COX16: variants seen among roughly 807,000 people sequenced by gnomAD.
COX16 encodes the protein cytochrome c oxidase assembly protein COX16 homolog, mitochondrial.
Under a neutral mutation model 15.4 loss-of-function variants are expected in COX16, and 12 were observed. The observed-to-expected ratio is 0.78, with a 90% confidence interval of 0.50 to 1.26. The LOEUF (loss-of-function observed/expected upper bound fraction) is 1.26, where lower values mean the gene tolerates loss of function less well. COX16 is among the 50% of genes most tolerant of loss of function. The pLI is 0.00. For missense variants in COX16, 124 were observed against 127.6 expected, an observed-to-expected ratio of 0.97 and a Z score of 0.14; for synonymous variants, 46 against 41.1, an observed-to-expected ratio of 1.12 and a Z score of -0.46.
intron 2 of COX16, among the ~76,000 whole-genome samples, chr14:70,336,990 A>C (rs910376180): frequency 2.0e-5 from 3 of 152,218 alleles, no homozygotes; most frequent in Non-Finnish European, 4.4e-5. Flanking sequence ...AAGAGCTTAG[A>C]GTTGAAAGCC....
At chr14:70,330,973 A>T (rs1286563713) in intron 2 of COX16, among the ~76,000 whole-genome samples, 1 of 152,080 alleles carries the variant, frequency 6.6e-6, no homozygotes, top group Non-Finnish European at 1.5e-5. Context: ...AATGTTTCTT[A>T]AAAATCATAA....
chr14:70,333,107 G>A (rs1594910185), intron 2 of COX16, among the ~76,000 whole-genome samples: 1 of 152,324 alleles, frequency 6.6e-6, no homozygotes, highest in East Asian at 1.9e-4. Flanking sequence ...AGAAGGACAG[G>A]CACAAACAAA....
intron 1 of COX16, among the ~76,000 whole-genome samples, chr14:70,352,314 G>T (rs555014683): frequency 3.3e-5 from 5 of 150,414 alleles, no homozygotes; most frequent in African/African-American, 1.2e-4. Flanking sequence ...AGCCTCCCGA[G>T]TAGCTGGGAT....
intron 1 of COX16, among the ~76,000 whole-genome samples, chr14:70,346,454 C>T (rs1886785117): frequency 6.6e-6 from 1 of 152,198 alleles, no homozygotes; most frequent in Non-Finnish European, 1.5e-5. Context: ...TCCAGGTAAG[C>T]CCACCAGGCC....
intron 3 of COX16, among the ~76,000 whole-genome samples, chr14:70,327,200 A>C (rs1362618622): frequency 6.6e-6 from 1 of 152,208 alleles, no homozygotes; most frequent in Non-Finnish European, 1.5e-5. Flanking sequence ...ATCCAGAGAC[A>C]GGGAAAATGG....
In COX16 at chr14:70,359,584, A is replaced by G; in HGVS notation, c.4T>C (p.Phe2Leu). Reference protein sequence around the residue: MFAPAVMRAFRK... With the variant: MLAPAVMRAFRK... ...AAAGCACGCATCACCGCGGGTGCAA[A>G]CATGAGTGAACTCTTCCATCGGCTC... is the stretch of plus-strand genomic sequence containing the variant. Residue 2 changes from phenylalanine to leucine, a missense_variant, in exon 1 of 4, where the codon TTT becomes CTT. Coordinates refer to ENST00000389912, the MANE Select transcript of COX16 (RefSeq NM_016468.7). The G allele has an allele frequency of 6.2e-7, 1 of 1,614,052 alleles. No homozygotes were observed. Among genetic ancestry groups the G allele is most frequent in the Non-Finnish European group, 8.5e-7 (1 of 1,179,938 alleles).
At chr14:70,329,317 T>A in intron 2 of COX16, 81 bp from the exon 3 acceptor site, 2 of 1,318,050 alleles carry the variant, frequency 1.5e-6, no homozygotes, top group Non-Finnish European at 1.0e-6. Context: ...ATAGAAGAGA[T>A]GGCTGAAATA....
At chr14:70,328,245 G>A (rs112120541) in intron 3 of COX16, 100 of 49,178 alleles carry the variant, frequency 2.0e-3, no homozygotes, top group African/African-American at 9.6e-3. Context: ...AAGGGAGAAG[G>A]GCCAAGGAAA....
rs760500996 is a variant in COX16 at position 70,326,357 on chromosome 14, T to G, written c.297A>C (p.Glu99Asp). 5 of 1,571,440 alleles carry G rather than the reference T, an allele frequency of 3.2e-6. No homozygotes were observed. In the South Asian group the frequency reaches 5.9e-5, roughly 19 times the overall value. The change falls in exon 4 of 4, where the codon GAA becomes GAC. Residue 99 changes from glutamate to aspartate, a missense_variant. By Grantham distance (45) the Glu-to-Asp change is conservative. Coordinates refer to ENST00000389912, the MANE Select transcript of COX16 (RefSeq NM_016468.7). ...DPDLLQGRNP[E>D]SLKTKTT The stretch of plus-strand genomic sequence containing the variant: ...GTCAAGTTGTCTTAGTCTTAAGGCT[T>G]TCTGGATTTCTTCCTTGGAGGAGGT...
intron 2 of COX16, among the ~76,000 whole-genome samples, chr14:70,339,439 C>T (rs905573644): frequency 2.6e-5 from 4 of 152,092 alleles, no homozygotes; most frequent in African/African-American, 9.7e-5. Context: ...GTACAAAAAT[C>T]AGGACTGTCT....
At chr14:70,349,108 T>C (rs191849865) in intron 1 of COX16, among the ~76,000 whole-genome samples, 111 of 152,276 alleles carry the variant, frequency 7.3e-4, no homozygotes, top group African/African-American at 2.6e-3. Flanking sequence ...TCCCCAACAC[T>C]TTCCATGTTG....
intron 2 of COX16, among the ~76,000 whole-genome samples, chr14:70,333,789 C>G (rs1401390257): frequency 1.3e-5 from 2 of 152,132 alleles, no homozygotes; most frequent in African/African-American, 4.8e-5. Context: ...ATATTATAAT[C>G]AAACTCTCAA....
intron 1 of COX16, among the ~76,000 whole-genome samples, chr14:70,351,663 A>G (rs1341015151): frequency 1.3e-5 from 2 of 152,184 alleles, no homozygotes; most frequent in Non-Finnish European, 2.9e-5. Flanking sequence ...AGATTAAAGT[A>G]TATTGTATGC....
chr14:70,335,478 T>C (rs1193881674), intron 2 of COX16, among the ~76,000 whole-genome samples: 1 of 151,854 alleles, frequency 6.6e-6, no homozygotes, highest in Non-Finnish European at 1.5e-5. Context: ...CAAAAAAGTA[T>C]CAATCATATC....
intron 1 of COX16, among the ~76,000 whole-genome samples, chr14:70,346,623 TACC>T (rs1886791266): frequency 6.6e-6 from 1 of 152,210 alleles, no homozygotes; most frequent in South Asian, 2.1e-4. Context: ...CCCCGGCAAC[TACC>T]ATCGCTTCAT....
intron 2 of COX16, among the ~76,000 whole-genome samples, chr14:70,335,055 T>A (rs902763144): frequency 6.6e-6 from 1 of 152,164 alleles, no homozygotes; most frequent in Non-Finnish European, 1.5e-5. Context: ...GAAGTAGCTA[T>A]ACTTATATCA....
Position 70,325,417 on chromosome 14 carries a change from T to G in COX16, c.*916A>C, listed in dbSNP as rs2140663891. 1 of 152,260 alleles carries G rather than the reference T, an allele frequency of 6.6e-6. No individual in the cohort carries two copies. The highest frequency in any genetic ancestry group is 2.4e-5 in the African/African-American group (1 of 41,552). The allele number at this position is 152,260 out of a possible 1,614,324, so 9.4% of individuals were successfully genotyped here. On this transcript the variant is annotated 3_prime_UTR_variant, in exon 4 of 4. Coordinates refer to ENST00000389912, the MANE Select transcript of COX16 (RefSeq NM_016468.7). ...TAACGTGGTGAAACCCCATCTCTAC[T>G]AAATACAAAAAATTAGCCGGGTGTG...
chr14:70,327,815 G>A (rs926637493), intron 3 of COX16, among the ~76,000 whole-genome samples: 9 of 152,130 alleles, frequency 5.9e-5, no homozygotes, highest in African/African-American at 2.2e-4. Context: ...TACAAAACGT[G>A]CACAGTGGCT....
At chr14:70,334,618 G>A (rs553648060) in intron 2 of COX16, among the ~76,000 whole-genome samples, 41 of 152,286 alleles carry the variant, frequency 2.7e-4, no homozygotes, top group African/African-American at 8.2e-4. Flanking sequence ...TGTAATCAAA[G>A]TTAAGTTGGT....
Sources: allele counts gnomAD v4.1 joint callset (sites outside exome capture counted in the v4.1 genomes callset), GRCh38; gene constraint gnomAD v4.1.1; transcripts MANE v1.5; gene names NCBI Gene and HGNC (gene_info 2026-07-23, HGNC 2026-07-21).